KCNIP1: variants seen among roughly 807,000 people sequenced by gnomAD.
KCNIP1 encodes the protein potassium voltage-gated channel interacting protein 1, also known as A-type potassium channel modulatory protein KCNIP1.
In KCNIP1, 18 loss-of-function variants were observed where a neutral mutation model predicts 33.0. That is an observed-to-expected ratio of 0.55 (90% CI 0.38 to 0.81). The LOEUF is 0.81. KCNIP1 is among the 30% of genes least tolerant of loss of function. The probability of loss-of-function intolerance (pLI) is 0.00; values close to 1 mark genes in which losing one functional copy is unlikely to be tolerated. For missense variants in KCNIP1, 238 were observed against 271.6 expected, an observed-to-expected ratio of 0.88 and a Z score of 0.87; for synonymous variants, 93 against 98.3, an observed-to-expected ratio of 0.95 and a Z score of 0.32.
intron 6 of KCNIP1, 133 bp from the exon 7 acceptor site, chr5:170,733,703 G>A (rs772106350): frequency 4.2e-5 from 29 of 694,250 alleles, no homozygotes; most frequent in Non-Finnish European, 6.9e-5. Context: ...TCATTCTCAG[G>A]GCAAAGTTGG....
intron 1 of KCNIP1, among the ~76,000 whole-genome samples, chr5:170,467,449 G>A (rs1161703002): frequency 6.6e-6 from 1 of 152,188 alleles, no homozygotes; most frequent in Non-Finnish European, 1.5e-5. Flanking sequence ...GTTTTGGCCT[G>A]AGTGGGGAGG....
chr5:170,616,578 A>G (rs60478008), intron 1 of KCNIP1, among the ~76,000 whole-genome samples: 2,173 of 152,244 alleles, frequency 0.014, 44 homozygotes, highest in African/African-American at 0.047. Flanking sequence ...TGTGCTCACC[A>G]TGAGAGCCCA....
intron 1 of KCNIP1, among the ~76,000 whole-genome samples, chr5:170,646,899 G>T (rs1035615060): frequency 6.6e-6 from 1 of 152,170 alleles, no homozygotes; most frequent in Admixed American, 6.5e-5. Context: ...TACTGAGGTT[G>T]CAGGATAAGG....
intron 1 of KCNIP1, among the ~76,000 whole-genome samples, chr5:170,570,594 AT>A (rs1284173904): frequency 3.0e-4 from 45 of 152,368 alleles, no homozygotes. Context: ...GTTTTAAATC[AT>A]TTTAATCACA....
intron 1 of KCNIP1, chr5:170,383,681 G>A (rs748448473): frequency 1.2e-6 from 2 of 1,613,988 alleles, no homozygotes; most frequent in African/African-American, 2.7e-5. Context: ...TTCAGTACCT[G>A]CTGGTTCTGG....
intron 1 of KCNIP1, among the ~76,000 whole-genome samples, chr5:170,642,575 T>G (rs1175205890): frequency 6.6e-6 from 1 of 152,158 alleles, no homozygotes; most frequent in Non-Finnish European, 1.5e-5. Context: ...GCCTCAGACC[T>G]GCAGGCCAGC....
chr5:170,442,259 A>T (rs766141972), intron 1 of KCNIP1, among the ~76,000 whole-genome samples: 3 of 152,186 alleles, frequency 2.0e-5, no homozygotes, highest in Admixed American at 2.0e-4. Flanking sequence ...GAGATCAGAG[A>T]AAAGGCCACA....
intron 1 of KCNIP1, chr5:170,354,028 C>T (rs1366751658): frequency 7.0e-6 from 10 of 1,437,134 alleles, no homozygotes; most frequent in African/African-American, 2.8e-5. Flanking sequence ...CGCATTGCCT[C>T]GGTGTGGTGA....
chr5:170,462,748 C>T (rs578124911), intron 1 of KCNIP1, among the ~76,000 whole-genome samples: 5 of 151,650 alleles, frequency 3.3e-5, no homozygotes, highest in East Asian at 3.9e-4. Flanking sequence ...CATAAAGCAA[C>T]GAGTGGATAT....
chr5:170,712,569 G>A (rs923697279), intron 1 of KCNIP1, among the ~76,000 whole-genome samples: 2 of 152,216 alleles, frequency 1.3e-5, no homozygotes, highest in African/African-American at 4.8e-5. Flanking sequence ...TCTCTGCCAT[G>A]TGCCATCCCA....
At chr5:170,506,735 G>C (rs115711707) in intron 1 of KCNIP1, among the ~76,000 whole-genome samples, 1,743 of 152,324 alleles carry the variant, frequency 0.011, 18 homozygotes, top group Non-Finnish European at 0.015. Flanking sequence ...GAGGCTCATA[G>C]CAGGTTCGGG....
intron 1 of KCNIP1, among the ~76,000 whole-genome samples, chr5:170,617,378 A>G (rs553311418): frequency 6.6e-6 from 1 of 151,954 alleles, no homozygotes; most frequent in African/African-American, 2.4e-5. Flanking sequence ...GGAAAGCTGG[A>G]CCACTGTCAG....
chr5:170,656,996 CTTTTTTT>C (rs397999901), intron 1 of KCNIP1, among the ~76,000 whole-genome samples: 29 of 109,740 alleles, frequency 2.6e-4, no homozygotes, highest in Non-Finnish European at 4.7e-4. Context: ...TTCTTTCTTT[CTTTTTTT>C]TTTTTTTTTT....
At chr5:170,394,216 A>G (rs1311024692) in intron 1 of KCNIP1, among the ~76,000 whole-genome samples, 1 of 151,102 alleles carries the variant, frequency 6.6e-6, no homozygotes, top group Non-Finnish European at 1.5e-5. Context: ...CCCCTTAGCC[A>G]CTCTCCGCGC....
chr5:170,379,901 A>C (rs1249166748), intron 1 of KCNIP1, among the ~76,000 whole-genome samples: 2 of 151,852 alleles, frequency 1.3e-5, no homozygotes, highest in Non-Finnish European at 2.9e-5. Flanking sequence ...GCAGTGAGCT[A>C]TGATCTCGCA....
At chr5:170,650,347 C>A (rs1196163760) in intron 1 of KCNIP1, among the ~76,000 whole-genome samples, 1 of 152,120 alleles carries the variant, frequency 6.6e-6, no homozygotes, top group Non-Finnish European at 1.5e-5. Context: ...TGCCATCCCC[C>A]ACCTCAGGTA....
intron 1 of KCNIP1, among the ~76,000 whole-genome samples, chr5:170,640,568 C>T (rs988503796): frequency 7.2e-5 from 11 of 152,132 alleles, no homozygotes; most frequent in Non-Finnish European, 1.0e-4. Context: ...TTTGTTTAAC[C>T]GGTACTTCAG....
chr5:170,632,938 G>A (rs531019796), intron 1 of KCNIP1, among the ~76,000 whole-genome samples: 1 of 152,236 alleles, frequency 6.6e-6, no homozygotes, highest in Non-Finnish European at 1.5e-5. Context: ...TCCCTCGCGT[G>A]GGGGTGGGTT....
At chr5:170,608,143 A>G (rs1350829561) in intron 1 of KCNIP1, among the ~76,000 whole-genome samples, 1 of 152,160 alleles carries the variant, frequency 6.6e-6, no homozygotes, top group African/African-American at 2.4e-5. Flanking sequence ...GCCCCCCATT[A>G]TCTGTCTCCT....
Sources: gnomAD v4.1 joint callset for allele counts (sites outside exome capture counted in the v4.1 genomes callset) on GRCh38, gnomAD v4.1.1 for gene constraint, MANE v1.5 for transcripts, NCBI Gene and HGNC (gene_info 2026-07-23, HGNC 2026-07-21) for gene names.